Variants in PDE4D observed in about 807,000 individuals in gnomAD.
PDE4D encodes the protein 3',5'-cyclic-AMP phosphodiesterase 4D.
A neutral mutation model predicts 87.4 loss-of-function variants in PDE4D; 24 were observed. The ratio of observed to expected loss-of-function variants is 0.27; its 90% confidence interval spans 0.20 to 0.39. The LOEUF is 0.39. Among genes scored for constraint, PDE4D ranks in the 10% least tolerant of loss-of-function variants. PDE4D has a pLI of 1.00. For synonymous variants in PDE4D, 384 were observed against 383.2 expected (o/e 1.00, Z -0.02); for missense variants, 714 against 1,041.0 (o/e 0.69, Z 4.32).
At chr5:60,251,726 T>C (rs1748486000) in intron 1 of PDE4D, among the ~76,000 whole-genome samples, 2 of 151,948 alleles carry the variant, frequency 1.3e-5, no homozygotes, top group South Asian at 4.1e-4. Context: ...CCTTTGGGTA[T>C]ATACTCAGTA....
intron 1 of PDE4D, among the ~76,000 whole-genome samples, chr5:59,567,146 C>T (rs776949568): frequency 7.9e-5 from 12 of 152,202 alleles, no homozygotes; most frequent in Non-Finnish European, 1.6e-4. Flanking sequence ...TGGCTCATTA[C>T]TGAAAATCTA....
At chr5:60,134,919 A>T (rs1779908600) in intron 2 of PDE4D, among the ~76,000 whole-genome samples, 1 of 152,154 alleles carries the variant, frequency 6.6e-6, no homozygotes, top group Non-Finnish European at 1.5e-5. Context: ...AGGATTCAGG[A>T]TTTACACCCA....
At chr5:60,205,235 C>A (rs1179615538) in intron 1 of PDE4D, among the ~76,000 whole-genome samples, 2 of 152,182 alleles carry the variant, frequency 1.3e-5, no homozygotes, top group African/African-American at 4.8e-5. Flanking sequence ...CAGGCTCTGT[C>A]TTCCTGTGAT....
chr5:59,694,367 C>CT (rs1044527482), intron 1 of PDE4D, among the ~76,000 whole-genome samples: 3 of 152,100 alleles, frequency 2.0e-5, no homozygotes, highest in Non-Finnish European at 2.9e-5. Flanking sequence ...GTGGTTTACT[C>CT]TATGTCTATG....
At chr5:59,040,463 G>A (rs974081928) in intron 5 of PDE4D, among the ~76,000 whole-genome samples, 6 of 152,212 alleles carry the variant, frequency 3.9e-5, no homozygotes, top group Admixed American at 3.9e-4. Context: ...ATGATCTTGG[G>A]CCAAGGAAGA....
chr5:59,319,463 G>C (rs1774333339), intron 1 of PDE4D, among the ~76,000 whole-genome samples: 1 of 152,132 alleles, frequency 6.6e-6, no homozygotes, highest in African/African-American at 2.4e-5. Context: ...GAAGGAAACA[G>C]ACATTTGCTC....
chr5:58,974,854 T>C lies in PDE4D; in HGVS notation c.2240A>G (p.Asp747Gly). The part of the protein sequence containing the change: ...ELTLEEDGES[D>G]TEKDSGSQVE... The stretch of plus-strand genomic sequence containing the variant: ...TTGACTGCCACTGTCCTTTTCCGTG[T>C]CTGACTCACCATCTTCCTCTAAAGT... The change falls in exon 15 of 15, where the codon GAC becomes GGC. Residue 747 changes from aspartate (D) to glycine (G), a missense_variant. This residue lies in a region of PDE4D where 90 missense variants were observed against 95.3 expected (regional missense o/e 0.94). Transcript: ENST00000340635. 3.7e-6 allele frequency: 6 copies of C among 1,613,060 alleles called. No homozygotes were observed. Among genetic ancestry groups the C allele is most frequent in the Non-Finnish European group, 5.1e-6 (6 of 1,179,238 alleles).
chr5:59,079,923 G>T (rs1159613229), intron 5 of PDE4D, among the ~76,000 whole-genome samples: 4 of 150,652 alleles, frequency 2.7e-5, no homozygotes, highest in Non-Finnish European at 4.4e-5. Context: ...AAGGAAAGGG[G>T]CAGGGGCAGA....
chr5:60,047,246 A>G (rs940325035), intron 2 of PDE4D, among the ~76,000 whole-genome samples: 4 of 151,234 alleles, frequency 2.6e-5, no homozygotes, highest in Non-Finnish European at 5.9e-5. Context: ...CGTCTATTTG[A>G]TTCTTCTCTC....
intron 1 of PDE4D, among the ~76,000 whole-genome samples, chr5:59,439,634 A>T (rs527820284): frequency 6.6e-6 from 1 of 152,198 alleles, no homozygotes; most frequent in African/African-American, 2.4e-5. Context: ...GTAAATGGAC[A>T]TAGTAAGTAA....
chr5:59,938,673 C>T (rs79085861), intron 3 of PDE4D, among the ~76,000 whole-genome samples: 6,229 of 152,220 alleles, frequency 0.041, 392 homozygotes, highest in African/African-American at 0.13. Context: ...CCTGGGCACA[C>T]GTTCATACAT....
intron 5 of PDE4D, among the ~76,000 whole-genome samples, chr5:59,074,529 AG>A (rs1375217625): frequency 6.6e-6 from 1 of 152,186 alleles, no homozygotes; most frequent in Non-Finnish European, 1.5e-5. Flanking sequence ...AGGCCGAGGC[AG>A]GCAGATTGCT....
intron 1 of PDE4D, among the ~76,000 whole-genome samples, chr5:59,805,688 AG>A (rs144259072): frequency 6.6e-6 from 1 of 152,356 alleles, no homozygotes; most frequent in African/African-American, 2.4e-5. Context: ...CAGTGAACAA[AG>A]GCAAGTGGAT....
intron 1 of PDE4D, among the ~76,000 whole-genome samples, chr5:59,473,987 A>C (rs560766779): frequency 1.3e-5 from 2 of 152,290 alleles, no homozygotes; most frequent in East Asian, 3.9e-4. Flanking sequence ...GACAAACCAG[A>C]ATGTACTCTG....
At chr5:60,157,891 C>CCCTTCCTTCCTTCCTTCCTT (rs112255610) in intron 2 of PDE4D, among the ~76,000 whole-genome samples, 34 of 146,858 alleles carry the variant, frequency 2.3e-4, no homozygotes, top group African/African-American at 8.6e-4. Context: ...CCCTTTCTTT[C>CCCTTCCTTCCTTCCTTCCTT]CCTTCCTTCC....
intron 1 of PDE4D, among the ~76,000 whole-genome samples, chr5:60,185,851 A>T (rs1472245028): frequency 6.6e-6 from 1 of 152,110 alleles, no homozygotes; most frequent in Admixed American, 6.5e-5. Context: ...CAACATTTCC[A>T]AAACAGCTTT....
intron 1 of PDE4D, among the ~76,000 whole-genome samples, chr5:60,421,809 G>A (rs753040216): frequency 1.1e-4 from 16 of 152,116 alleles, no homozygotes; most frequent in Non-Finnish European, 1.8e-4. Context: ...AATGTTGGAC[G>A]AATGGCAAAT....
chr5:60,079,991 A>T (rs1255441370), intron 2 of PDE4D, among the ~76,000 whole-genome samples: 2 of 152,174 alleles, frequency 1.3e-5, no homozygotes, highest in African/African-American at 4.8e-5. Context: ...CATGACATCA[A>T]TTCTTCCTAT....
chr5:59,197,784 G>A (rs2153489677), intron 2 of PDE4D, among the ~76,000 whole-genome samples: 1 of 152,190 alleles, frequency 6.6e-6, no homozygotes, highest in African/African-American at 2.4e-5. Flanking sequence ...AGTATGTGTG[G>A]GTTTTAATGA....
Sources: allele counts gnomAD v4.1 joint callset (sites outside exome capture counted in the v4.1 genomes callset), GRCh38; gene constraint gnomAD v4.1.1; regional missense constraint gnomAD v4.1.1; transcripts MANE v1.5; gene names NCBI Gene and HGNC (gene_info 2026-07-23, HGNC 2026-07-21).